NELL1: variants seen among roughly 807,000 people sequenced by gnomAD.
NELL1 encodes the protein protein kinase C-binding protein NELL1.
A neutral mutation model predicts 107.4 loss-of-function variants in NELL1; 76 were observed. That is an observed-to-expected ratio of 0.71 (90% confidence interval 0.59 to 0.86). The LOEUF (loss-of-function observed/expected upper bound fraction) is 0.86, where lower values mean the gene tolerates loss of function less well. NELL1 is among the 40% of genes least tolerant of loss of function. The pLI, the probability that NELL1 is intolerant of heterozygous loss-of-function variation, is 0.00. For synonymous variants in NELL1, 353 were observed against 341.2 expected (o/e 1.03, Z -0.38); for missense variants, 1,024 against 1,005.5 (o/e 1.02, Z -0.25).
chr11:21,134,801 T>G (rs1014805574), intron 13 of NELL1, among the ~76,000 whole-genome samples: 1 of 152,282 alleles, frequency 6.6e-6, no homozygotes, highest in South Asian at 2.1e-4. Context: ...GTCCAAATGA[T>G]TGAGTATTGG....
chr11:21,251,163 A>G, intron 14 of NELL1, among the ~76,000 whole-genome samples: 1 of 152,168 alleles, frequency 6.6e-6, no homozygotes, highest in Admixed American at 6.6e-5. Context: ...ATAAGAGTTT[A>G]CCACTTAGAT....
intron 3 of NELL1, among the ~76,000 whole-genome samples, chr11:20,791,152 G>T (rs995153525): frequency 1.3e-5 from 2 of 152,116 alleles, no homozygotes; most frequent in African/African-American, 2.4e-5. Flanking sequence ...TGAATCTGTA[G>T]GTCGTCAGTC....
intron 4 of NELL1, among the ~76,000 whole-genome samples, chr11:20,865,935 G>T (rs1384182754): frequency 6.6e-6 from 1 of 152,100 alleles, no homozygotes; most frequent in African/African-American, 2.4e-5. Context: ...TCACTCTCTG[G>T]CTTCACCACT....
intron 14 of NELL1, among the ~76,000 whole-genome samples, chr11:21,317,736 G>A (rs1565164751): frequency 6.6e-6 from 1 of 151,980 alleles, no homozygotes; most frequent in Non-Finnish European, 1.5e-5. Flanking sequence ...TGAGCACAGA[G>A]TTTACTTTTT....
At chr11:20,700,760 T>C (rs1380937322) in intron 2 of NELL1, among the ~76,000 whole-genome samples, 2 of 152,078 alleles carry the variant, frequency 1.3e-5, no homozygotes, top group African/African-American at 4.8e-5. Context: ...CATGCGGTGT[T>C]TGGTTTTCTG....
intron 15 of NELL1, among the ~76,000 whole-genome samples, chr11:21,459,568 T>C (rs890815425): frequency 2.6e-4 from 40 of 151,090 alleles, no homozygotes; most frequent in African/African-American, 9.6e-4. Context: ...CAATCTGTTG[T>C]CCTGGAAGAG....
At position 21,575,273 on chromosome 11, in the gene NELL1, C is replaced by T. The variant is rs537095680; in HGVS notation, c.*251C>T. 6.7e-5 allele frequency: 29 copies of T among 435,602 alleles called. No individual in the cohort carries two copies. The highest frequency in any genetic ancestry group is 5.3e-4 in the African/African-American group (27 of 50,846). 27.0% of individuals were successfully genotyped at this position (435,602 alleles called of 1,614,324 possible). ...GTCAATGGTTGTTAAAAGAAGTTTC[C>T]CGTGTTGTAAATCATGTTTCCCTTA... is the stretch of plus-strand genomic sequence containing the variant. On this transcript the variant is annotated 3_prime_UTR_variant, in exon 20 of 20. Coordinates refer to ENST00000357134, the MANE Select transcript of NELL1 (RefSeq NM_006157.5).
chr11:20,870,004 A>G (rs1468955802), intron 4 of NELL1, among the ~76,000 whole-genome samples: 4 of 152,144 alleles, frequency 2.6e-5, no homozygotes, highest in Admixed American at 2.6e-4. Context: ...ATCAATGGAA[A>G]GATGTGGAAA....
chr11:20,871,315 G>GGA (rs1235209319), intron 4 of NELL1, among the ~76,000 whole-genome samples: 10 of 152,046 alleles, frequency 6.6e-5, no homozygotes, highest in African/African-American at 2.2e-4. Context: ...TATCTGGCTG[G>GGA]GACACATGGA....
intron 14 of NELL1, among the ~76,000 whole-genome samples, chr11:21,252,286 A>T (rs1286369888): frequency 6.6e-6 from 1 of 152,154 alleles, no homozygotes; most frequent in African/African-American, 2.4e-5. Context: ...ACACTGAGTA[A>T]AATGGGTAGA....
chr11:21,334,643 A>G (rs570008807), intron 14 of NELL1, among the ~76,000 whole-genome samples: 1 of 152,104 alleles, frequency 6.6e-6, no homozygotes, highest in South Asian at 2.1e-4. Context: ...TATGGAATAC[A>G]TACCCTCACG....
At chr11:20,714,495 A>G (rs1390248248) in intron 2 of NELL1, among the ~76,000 whole-genome samples, 1 of 150,134 alleles carries the variant, frequency 6.7e-6, no homozygotes, top group Non-Finnish European at 1.5e-5. Flanking sequence ...GGCGTGAACC[A>G]TCATGCCTGG....
chr11:20,719,827 G>A (rs1309225684), intron 2 of NELL1, among the ~76,000 whole-genome samples: 4 of 152,148 alleles, frequency 2.6e-5, no homozygotes, highest in African/African-American at 9.7e-5. Context: ...ATCAGCCATG[G>A]TATGTACCAG....
intron 12 of NELL1, among the ~76,000 whole-genome samples, chr11:21,086,922 C>T (rs949771980): frequency 6.6e-6 from 1 of 150,688 alleles, no homozygotes; most frequent in African/African-American, 2.4e-5. Flanking sequence ...ACCTCCCCCT[C>T]CCCAGTTCAA....
At chr11:20,749,218 AGCT>A (rs1392676351) in intron 2 of NELL1, among the ~76,000 whole-genome samples, 1 of 152,216 alleles carries the variant, frequency 6.6e-6, no homozygotes, top group Non-Finnish European at 1.5e-5. Context: ...TATAGTGAAC[AGCT>A]GGGACTATGG....
chr11:21,192,967 AT>A (rs1482544901), intron 13 of NELL1, among the ~76,000 whole-genome samples: 2 of 151,802 alleles, frequency 1.3e-5, no homozygotes, highest in African/African-American at 4.9e-5. Context: ...GCTTTTAATG[AT>A]TGTTTTAAAG....
chr11:21,275,060 T>C (rs1848824172), intron 14 of NELL1, among the ~76,000 whole-genome samples: 1 of 152,014 alleles, frequency 6.6e-6, no homozygotes. Flanking sequence ...AGAGCAGAAC[T>C]GAAGGAGATG....
chr11:21,173,795 G>C (rs1856656853), intron 13 of NELL1, among the ~76,000 whole-genome samples: 1 of 151,610 alleles, frequency 6.6e-6, no homozygotes, highest in Admixed American at 6.6e-5. Flanking sequence ...GTGACTGTCT[G>C]TGTGTTGCTA....
intron 13 of NELL1, 128 bp from the exon 14 acceptor site, chr11:21,229,204 G>T (rs564579678): frequency 3.1e-6 from 3 of 974,770 alleles, no homozygotes; most frequent in East Asian, 5.5e-5. Context: ...ACTTTTAGGC[G>T]CATAGTAAGG....
Sources: gnomAD v4.1 joint callset for allele counts (sites outside exome capture counted in the v4.1 genomes callset) on GRCh38, gnomAD v4.1.1 for gene constraint, MANE v1.5 for transcripts, NCBI Gene and HGNC (gene_info 2026-07-23, HGNC 2026-07-21) for gene names.